The following ACTR2 variants were observed in gnomAD, a reference collection of about 807,000 sequenced individuals.
ACTR2 encodes actin-related protein 2.
Under a neutral mutation model 50.2 loss-of-function variants are expected in ACTR2, and 5 were observed. The ratio of observed to expected loss-of-function variants is 0.10; its 90% CI spans 0.05 to 0.21. ACTR2 has a LOEUF of 0.21. Ranked by LOEUF, ACTR2 falls within the 10% of genes least tolerant of loss-of-function variation. ACTR2 has a pLI of 1.00. For missense variants in ACTR2, 180 were observed against 480.6 expected, an observed-to-expected ratio of 0.37 and a Z score of 5.85; for synonymous variants, 140 against 162.9, an observed-to-expected ratio of 0.86 and a Z score of 1.07.
At chr2:65,251,328 A>AT (rs1191735204) in intron 4 of ACTR2, among the ~76,000 whole-genome samples, 4 of 152,038 alleles carry the variant, frequency 2.6e-5, no homozygotes, top group East Asian at 1.9e-4. Flanking sequence ...TTAAAGACTT[A>AT]TTTTTTAAAA....
At chr2:65,230,403 A>ATT (rs11299935) in intron 1 of ACTR2, among the ~76,000 whole-genome samples, 162 of 78,162 alleles carry the variant, frequency 2.1e-3, no homozygotes, top group Middle Eastern at 6.8e-3. Flanking sequence ...ACCGAAGCTG[A>ATT]TTTTTTTTTT....
chr2:65,250,559 G>T (rs916005741), intron 3 of ACTR2, among the ~76,000 whole-genome samples: 11 of 149,458 alleles, frequency 7.4e-5, no homozygotes, highest in African/African-American at 2.7e-4. Flanking sequence ...TGTAGTCCCA[G>T]CTACTCAGGA....
In ACTR2 at chr2:65,242,222, A is replaced by G. The variant is rs560006273; in HGVS notation, c.159+2260A>G. The stretch of plus-strand genomic sequence containing the variant: ...TAACCTTTTTCATTGCTTCAATTTG[A>G]TAGCAACTAATTAAGTCCTATACTT... On this transcript the variant is annotated intron_variant, in intron 2 of 8. Coordinates refer to ENST00000260641, the MANE Select transcript of ACTR2 (RefSeq NM_005722.4). 5.9e-5 allele frequency among the ~76,000 whole-genome samples: 9 copies of G among 152,196 alleles called. No individual in the cohort carries two copies. The South Asian group carries it at 1.9e-3, about 32-fold the overall frequency.
intron 7 of ACTR2, among the ~76,000 whole-genome samples, chr2:65,262,312 C>T (rs534038626): frequency 8.5e-5 from 13 of 152,224 alleles, no homozygotes; most frequent in African/African-American, 3.1e-4. Context: ...TCACTGCAAC[C>T]TCTGCCTCCC....
intron 6 of ACTR2, among the ~76,000 whole-genome samples, chr2:65,259,751 G>T (rs989907394): frequency 6.6e-6 from 1 of 152,032 alleles, no homozygotes; most frequent in African/African-American, 2.4e-5. Context: ...AATTATAAAT[G>T]TACTGTTAGA....
chr2:65,264,986 T>G, intron 7 of ACTR2, 57 bp from the exon 8 acceptor site: 444 of 1,587,628 alleles, frequency 2.8e-4, no homozygotes, highest in Non-Finnish European at 3.5e-4. Context: ...ACAGTAACCC[T>G]GAGATACCAT....
chr2:65,245,724 T>C (rs1012007524), intron 2 of ACTR2, among the ~76,000 whole-genome samples: 2 of 152,226 alleles, frequency 1.3e-5, no homozygotes, highest in African/African-American at 4.8e-5. Flanking sequence ...TTACTTATTA[T>C]ATATAGAAAA....
chr2:65,263,003 C>T (rs1033109621), intron 7 of ACTR2, among the ~76,000 whole-genome samples: 1 of 142,944 alleles, frequency 7.0e-6, no homozygotes, highest in Non-Finnish European at 1.5e-5. Flanking sequence ...AAAAAAAAAA[C>T]ATATATATAT....
intron 1 of ACTR2, among the ~76,000 whole-genome samples, chr2:65,229,774 AAAAC>A (rs1191579769): frequency 1.9e-4 from 29 of 151,600 alleles, no homozygotes; most frequent in African/African-American, 6.3e-4. Flanking sequence ...AAAAAAAAGA[AAAAC>A]AAAACATATT....
At position 65,253,756 on chromosome 2, in the gene ACTR2, T is replaced by C. The variant is rs765250381; in HGVS notation, c.477T>C (p.Ser159=). ...QGLLTGVVVD[S]GDGVTHICPV... is the part of the protein sequence containing the mutation. Reference sequence around the variant, plus strand: ...TATTGACTGGTGTAGTGGTAGACTCTGGAGATGGTGTGACTCACATTTGCC... The same window carrying C: ...TATTGACTGGTGTAGTGGTAGACTCCGGAGATGGTGTGACTCACATTTGCC... The change falls in exon 5 of 9, where the codon TCT becomes TCC. Residue 159 remains serine, a synonymous_variant. Transcript: ENST00000260641. 6.2e-7 allele frequency: 1 copy of C among 1,614,060 alleles called. No individual in the cohort carries two copies. Among genetic ancestry groups the C allele is most frequent in the East Asian group, 2.2e-5 (1 of 44,868 alleles).
chr2:65,259,458 TG>T (rs1238708586), intron 6 of ACTR2, among the ~76,000 whole-genome samples: 5 of 151,998 alleles, frequency 3.3e-5, no homozygotes, highest in Admixed American at 2.0e-4. Flanking sequence ...CCAGGCATGG[TG>T]GCTCATGCCT....
At chr2:65,235,171 TGTG>T (rs1217441127) in intron 1 of ACTR2, among the ~76,000 whole-genome samples, 1 of 108,620 alleles carries the variant, frequency 9.2e-6, no homozygotes, top group East Asian at 2.0e-4. Context: ...GTGTGAGAGG[TGTG>T]TGTGTGTGTG....
At chr2:65,233,577 C>T (rs990792849) in intron 1 of ACTR2, among the ~76,000 whole-genome samples, 1 of 151,648 alleles carries the variant, frequency 6.6e-6, no homozygotes, top group African/African-American at 2.4e-5. Flanking sequence ...GCAGTGTGCC[C>T]AGAGTAGCCA....
At chr2:65,234,704 A>G (rs1030103622) in intron 1 of ACTR2, among the ~76,000 whole-genome samples, 2 of 152,196 alleles carry the variant, frequency 1.3e-5, no homozygotes, top group East Asian at 1.9e-4. Context: ...GATCAGACCT[A>G]TGCTCCATCC....
At chr2:65,228,229 G>A (rs923001463) in intron 1 of ACTR2, 1 of 370,504 alleles carries the variant, frequency 2.7e-6, no homozygotes, top group African/African-American at 2.1e-5. Flanking sequence ...CTGACCGCCC[G>A]GCAGGGACCT....
intron 1 of ACTR2, among the ~76,000 whole-genome samples, chr2:65,235,194 G>A (rs1191250152): frequency 6.6e-6 from 1 of 151,764 alleles, no homozygotes; most frequent in Non-Finnish European, 1.5e-5. Context: ...GTGTGTGCAC[G>A]TGGTGTGTGT....
At chr2:65,264,431 C>T (rs942227757) in intron 7 of ACTR2, among the ~76,000 whole-genome samples, 6 of 152,202 alleles carry the variant, frequency 3.9e-5, no homozygotes, top group African/African-American at 1.2e-4. Context: ...CTCAGACCCT[C>T]GCTCAGATTC....
rs2104008294 is a variant in ACTR2, at chr2:65,254,427, T to C, written c.585+563T>C. 5.9e-5 allele frequency among the ~76,000 whole-genome samples: 9 copies of C among 152,354 alleles called. No homozygotes were observed. The Middle Eastern group carries it at 0.027, about 461-fold the overall frequency. On this transcript the variant is annotated intron_variant, in intron 5 of 8. Coordinates refer to ENST00000260641, the MANE Select transcript of ACTR2 (RefSeq NM_005722.4). ...TACTATTTTAGTTTATTTCTGAATA[T>C]AACTAGTTATAATTTTCTTTAAAAC...
intron 5 of ACTR2, 53 bp from the exon 6 acceptor site, chr2:65,255,492 G>A: frequency 6.5e-7 from 1 of 1,530,752 alleles, no homozygotes; most frequent in African/African-American, 1.4e-5. Context: ...AGCTTTTGCA[G>A]AGTAGAACTC....
Sources: gnomAD v4.1 joint callset for allele counts (sites outside exome capture counted in the v4.1 genomes callset) on GRCh38, gnomAD v4.1.1 for gene constraint, MANE v1.5 for transcripts, NCBI Gene and HGNC (gene_info 2026-07-23, HGNC 2026-07-21) for gene names.